ANKRD30B: variants seen among roughly 807,000 people sequenced by gnomAD.
ANKRD30B encodes ankyrin repeat domain 30B.
In ANKRD30B, 144 loss-of-function variants were observed where a neutral mutation model predicts 202.2. That is an observed-to-expected ratio of 0.71 (90% CI 0.62 to 0.82). The LOEUF is 0.82. ANKRD30B is among the 40% of genes least tolerant of loss of function. The pLI is 0.00. For synonymous variants in ANKRD30B, 508 were observed against 561.3 expected (o/e 0.91, Z 1.34); for missense variants, 1,487 against 1,669.1 (o/e 0.89, Z 1.90).
chr18:14,852,612 A>T, intron 42 of ANKRD30B, 192 bp downstream of exon 42: 1 of 636,718 alleles, frequency 1.6e-6, no homozygotes, highest in Non-Finnish European at 2.3e-6. Flanking sequence ...GAGTAAAGGT[A>T]TTGTGTCACT....
chr18:14,881,917 A>C, the ANKRD30B span, among the ~76,000 whole-genome samples: 1 of 151,818 alleles, frequency 6.6e-6, no homozygotes, highest in South Asian at 2.1e-4. Context: ...CCCTTGAATA[A>C]CCTTTAATAT....
intron 39 of ANKRD30B, among the ~76,000 whole-genome samples, chr18:14,847,859 C>T (rs546243467): frequency 1.2e-4 from 18 of 152,020 alleles, no homozygotes; most frequent in African/African-American, 2.9e-4. Context: ...TTATAAGTTC[C>T]GCCCTGACCT....
At chr18:14,908,933 C>T in the ANKRD30B span, among the ~76,000 whole-genome samples, 5 of 152,196 alleles carry the variant, frequency 3.3e-5, no homozygotes, top group Non-Finnish European at 7.3e-5. Context: ...TGTCAGGACT[C>T]ACTGCCACTA....
intron 39 of ANKRD30B, among the ~76,000 whole-genome samples, chr18:14,844,233 G>A (rs4381677): frequency 6.6e-6 from 1 of 152,118 alleles, no homozygotes; most frequent in East Asian, 1.9e-4. Context: ...AAAAACAAAT[G>A]AGATATCAGT....
chr18:14,840,522 A>G, intron 36 of ANKRD30B, 66 bp from the exon 37 acceptor site: 10 of 846,038 alleles, frequency 1.2e-5, no homozygotes, highest in Non-Finnish European at 1.6e-5. Flanking sequence ...GCGAGGCTTC[A>G]TCTCAGAAAA....
At position 14,757,886 on chromosome 18, in the gene ANKRD30B, A is replaced by T; in HGVS notation, c.689A>T (p.Asp230Val). 6.2e-7 allele frequency: 1 copy of T among 1,613,208 alleles called. No homozygotes were observed. The highest frequency in any genetic ancestry group is 8.5e-7 in the Non-Finnish European group (1 of 1,179,584). The change falls in exon 5 of 44, where the codon GAC becomes GTC. Residue 230 changes from aspartate to valine, a missense_variant. Transcript: ENST00000690538. The part of the protein sequence containing the change: ...IVGMLLQQNV[D>V]VFAEDIHGIT... ...GGCATGCTTCTTCAGCAAAATGTTG[A>T]CGTCTTTGCTGAAGACATACATGGA...
chr18:14,851,867 A>G lies in ANKRD30B; in HGVS notation c.3923A>G (p.His1308Arg), dbSNP rs1971897412. The change falls in exon 42 of 44, where the codon CAT (histidine) becomes CGT (arginine). Residue 1308 changes from histidine (H) to arginine (R), a missense_variant. Physicochemically the swap from His to Arg is conservative, Grantham distance 29 (BLOSUM62 0). This residue lies in a region of ANKRD30B where 182 missense variants were observed against 216.0 expected (regional missense o/e 0.84). Coordinates refer to ENST00000690538, the MANE Select transcript of ANKRD30B (RefSeq NM_001367607.2). ...AGACTGGCTTCTGCTTTACAAGACC[A>G]TGATCAAAGTGTCACATCAAGAAAA... ...HPRLASALQD[H>R]DQSVTSRKNQ... The G allele has an allele frequency of 3.1e-6, 5 of 1,587,914 alleles. No individual in the cohort carries two copies. Among genetic ancestry groups the G allele is most frequent in the South Asian group, 1.1e-5 (1 of 88,674 alleles).
the ANKRD30B span, among the ~76,000 whole-genome samples, chr18:14,863,414 C>T: frequency 3.3e-5 from 5 of 152,082 alleles, no homozygotes; most frequent in African/African-American, 1.2e-4. Context: ...ATTCATTTCT[C>T]TCTTGACACG....
At chr18:14,805,243 A>C (rs1196345728) in intron 24 of ANKRD30B, among the ~76,000 whole-genome samples, 1 of 150,976 alleles carries the variant, frequency 6.6e-6, no homozygotes, top group African/African-American at 2.4e-5. Flanking sequence ...AAAAACCATA[A>C]TTCTGAATTT....
chr18:14,906,941 T>G, the ANKRD30B span, among the ~76,000 whole-genome samples: 1 of 151,980 alleles, frequency 6.6e-6, no homozygotes, highest in South Asian at 2.1e-4. Context: ...GGGTCCAGGT[T>G]ATAGGTAGAT....
At chr18:14,765,246 G>C (rs1393160190) in intron 7 of ANKRD30B, among the ~76,000 whole-genome samples, 2 of 152,022 alleles carry the variant, frequency 1.3e-5, no homozygotes, top group Non-Finnish European at 2.9e-5. Context: ...GGATCGTGAG[G>C]TTAGGAGTTC....
chr18:14,839,386 G>T (rs945916330), intron 36 of ANKRD30B, among the ~76,000 whole-genome samples: 3 of 152,114 alleles, frequency 2.0e-5, no homozygotes, highest in African/African-American at 7.2e-5. Context: ...GAAAGTCTAG[G>T]AGGAAGACAT....
At chr18:14,844,832 C>T (rs2143212456) in intron 39 of ANKRD30B, among the ~76,000 whole-genome samples, 1 of 152,042 alleles carries the variant, frequency 6.6e-6, no homozygotes, top group Middle Eastern at 3.4e-3. Context: ...CTCTGATGGC[C>T]AGTGATGATG....
chr18:14,796,226 C>T lies in ANKRD30B; in HGVS notation c.1831C>T (p.Pro611Ser). 1 of 1,599,314 alleles carries T rather than the reference C, an allele frequency of 6.3e-7. No individual in the cohort carries two copies. The highest frequency in any genetic ancestry group is 8.6e-7 in the Non-Finnish European group (1 of 1,167,124). ...DTLSGKLEES[P>S]VKDGLLKPTC... is the part of the protein sequence containing the mutation. ...ATATGTCCCTTTACGTTTAGAGTCT[C>T]CTGTTAAAGATGGTCTTCTGAAGGT... Residue 611 changes from proline (P) to serine (S), a missense_variant, in exon 17 of 44, where the codon CCT (proline) becomes TCT (serine). By Grantham distance (74) the Pro-to-Ser change is moderately conservative. Coordinates refer to ENST00000690538, the MANE Select transcript of ANKRD30B (RefSeq NM_001367607.2).
At chr18:14,782,794 T>C (rs1344293239) in intron 12 of ANKRD30B, among the ~76,000 whole-genome samples, 180 bp downstream of exon 12, 3 of 151,506 alleles carry the variant, frequency 2.0e-5, no homozygotes, top group African/African-American at 7.3e-5. Context: ...ATATAGAGAG[T>C]GCAAGAAAAA....
Position 14,796,380 on chromosome 18 carries a change from C to G in ANKRD30B, c.1892C>G (p.Ala631Gly), listed in dbSNP as rs780683962. 6.4e-7 allele frequency: 1 copy of G among 1,563,690 alleles called. No homozygotes were observed. The highest frequency in any genetic ancestry group is 2.4e-5 in the East Asian group (1 of 41,884). Residue 631 changes from alanine to glycine, a missense_variant, in exon 18 of 44, where the codon GCC becomes GGC. Ala to Gly is a moderately conservative substitution (Grantham distance 60). This residue lies in a region of ANKRD30B where 889 missense variants were observed against 841.4 expected (regional missense o/e 1.06). Coordinates refer to ENST00000690538, the MANE Select transcript of ANKRD30B (RefSeq NM_001367607.2). ...AGGAAAGTTTCTCTTCCAAATAAAG[C>G]CTTAGAATTAAAGGACAGAGAAACA... ...CGRKVSLPNK[A>G]LELKDRETFK...
chr18:14,891,094 T>C, the ANKRD30B span, among the ~76,000 whole-genome samples: 1 of 152,160 alleles, frequency 6.6e-6, no homozygotes, highest in Non-Finnish European at 1.5e-5. Flanking sequence ...CATGAAGGTA[T>C]AGTGCTGAGA....
At position 14,797,762 on chromosome 18, in the gene ANKRD30B, G is replaced by C. The variant is rs759926542; in HGVS notation, c.1957-20G>C. ...AAGTGTACATTATATATTAATTTTT[G>C]TGTTTCCGAACCCATTTAGCCTACC... On this transcript the variant is annotated intron_variant, in intron 19 of 43. Transcript: ENST00000690538. The C allele has an allele frequency of 6.3e-7, 1 of 1,582,554 alleles. No individual in the cohort carries two copies.
the ANKRD30B span, among the ~76,000 whole-genome samples, chr18:14,909,589 G>T: frequency 6.6e-6 from 1 of 151,960 alleles, no homozygotes; most frequent in African/African-American, 2.4e-5. Flanking sequence ...TGTATTTTTA[G>T]TACAGATGGA....
Sources: allele counts gnomAD v4.1 joint callset (sites outside exome capture counted in the v4.1 genomes callset), GRCh38; gene constraint gnomAD v4.1.1; regional missense constraint gnomAD v4.1.1; transcripts MANE v1.5; gene names NCBI Gene and HGNC (gene_info 2026-07-23, HGNC 2026-07-21).